The following DTNB variants were observed in gnomAD, a reference collection of about 807,000 sequenced individuals.
DTNB encodes the protein DTN-B.
Under a neutral mutation model 90.7 loss-of-function variants are expected in DTNB, and 63 were observed. The ratio of observed to expected loss-of-function variants is 0.69; its 90% CI spans 0.57 to 0.86. The LOEUF (loss-of-function observed/expected upper bound fraction) is 0.86. Among genes scored for constraint, DTNB ranks in the 40% least tolerant of loss-of-function variants. The pLI is 0.00. For synonymous variants in DTNB, 277 were observed against 286.7 expected (o/e 0.97, Z 0.34); for missense variants, 744 against 807.1 (o/e 0.92, Z 0.95).
At chr2:25,594,781 C>T (rs1375942835) in intron 6 of DTNB, 1 of 152,186 alleles carries the variant, frequency 6.6e-6, no homozygotes, top group African/African-American at 2.4e-5. Flanking sequence ...AAGGATGCTC[C>T]TTTATCCTTA....
At chr2:25,432,012 A>G (rs1306172788) in intron 14 of DTNB, among the ~76,000 whole-genome samples, 1 of 152,232 alleles carries the variant, frequency 6.6e-6, no homozygotes, top group Non-Finnish European at 1.5e-5. Flanking sequence ...ATATAAATCT[A>G]AACAGTAGAA....
In DTNB at chr2:25,652,636, G is replaced by A. The variant is rs756626108; in HGVS notation, c.25C>T (p.Arg9Trp). 18 of 1,611,942 alleles carry A rather than the reference G, an allele frequency of 1.1e-5. No homozygotes were observed. The highest frequency in any genetic ancestry group is 7.7e-5 in the South Asian group (7 of 90,952). Residue 9 changes from arginine to tryptophan, a missense_variant, in exon 2 of 21, where the codon CGG becomes TGG. Coordinates refer to ENST00000406818, the MANE Select transcript of DTNB (RefSeq NM_021907.5). MIEESGNK[R>W]KTMAEKRQLF... ...TGCCTCTTCTCTGCCATGGTCTTCC[G>A]CTTGTTCCCACTTTCCTCAATCATC...
intron 12 of DTNB, among the ~76,000 whole-genome samples, chr2:25,442,313 C>T (rs1394980351): frequency 6.6e-6 from 1 of 152,196 alleles, no homozygotes; most frequent in Non-Finnish European, 1.5e-5. Context: ...TGGCAGGTGA[C>T]TCTGGCTTAT....
intron 8 of DTNB, among the ~76,000 whole-genome samples, chr2:25,537,194 A>G (rs934743462): frequency 2.0e-5 from 3 of 151,934 alleles, no homozygotes; most frequent in Admixed American, 1.3e-4. Context: ...AACCATATAA[A>G]TCTTTTTTTT....
At chr2:25,552,497 C>T (rs1259350045) in intron 8 of DTNB, among the ~76,000 whole-genome samples, 11 of 152,338 alleles carry the variant, frequency 7.2e-5, no homozygotes, top group Non-Finnish European at 5.9e-5. Flanking sequence ...CCCTGGGCCC[C>T]TCACAGCTCC....
intron 7 of DTNB, among the ~76,000 whole-genome samples, chr2:25,579,971 CCTTTCTTTTTTT>C (rs1390758793): frequency 3.0e-5 from 4 of 133,474 alleles, no homozygotes; most frequent in Non-Finnish European, 4.6e-5. Flanking sequence ...ACTATAGTAT[CCTTTCTTTTTTT>C]TTTTTTTTTT....
rs1301598440 is a variant in DTNB at position 25,387,302 on chromosome 2, C to T, written c.1812G>A (p.Lys604=). The T allele has an allele frequency of 1.9e-6, 3 of 1,610,496 alleles. No homozygotes were observed. The highest frequency in any genetic ancestry group is 2.5e-6 in the Non-Finnish European group (3 of 1,178,702). The stretch of plus-strand genomic sequence containing the variant: ...TCTGGGTTTCACCTGAATGGAGCTC[C>T]TTCACCAGGGATGACATGGTGTTGG... ...SITNTMSSLV[K]ELHSAEEGAE... Residue 604 remains lysine (K), a synonymous_variant, in exon 18 of 21, where the codon AAG becomes AAA. Transcript: ENST00000406818. The surrounding 1 kb of genome is among the most constrained non-coding windows in gnomAD (Gnocchi z 4.5).
intron 8 of DTNB, among the ~76,000 whole-genome samples, chr2:25,560,718 G>T (rs1158786304): frequency 6.6e-6 from 1 of 152,162 alleles, no homozygotes; most frequent in Non-Finnish European, 1.5e-5. Flanking sequence ...AAATCTCACA[G>T]ACATGCGCGT....
At chr2:25,658,793 C>T (rs973940974) in intron 1 of DTNB, among the ~76,000 whole-genome samples, 4 of 152,012 alleles carry the variant, frequency 2.6e-5, no homozygotes, top group Admixed American at 6.5e-5. Context: ...AGGTGAAGCA[C>T]GGGGCAATTT....
chr2:25,499,830 C>A (rs2150552177), intron 9 of DTNB, among the ~76,000 whole-genome samples: 1 of 152,288 alleles, frequency 6.6e-6, no homozygotes, highest in African/African-American at 2.4e-5. Context: ...GGTTGCTCAA[C>A]AAATATTAGT....
intron 8 of DTNB, among the ~76,000 whole-genome samples, chr2:25,560,336 T>C (rs1470335768): frequency 1.3e-5 from 2 of 152,254 alleles, no homozygotes; most frequent in African/African-American, 4.8e-5. Flanking sequence ...TGGGTGTTCC[T>C]TTTAGGGTGT....
intron 10 of DTNB, among the ~76,000 whole-genome samples, chr2:25,474,481 C>T (rs1010214236): frequency 6.6e-6 from 1 of 152,144 alleles, no homozygotes; most frequent in East Asian, 1.9e-4. Flanking sequence ...TGGATAGTTT[C>T]TGACTTGATC....
chr2:25,393,161 G>A (rs1218472355), intron 16 of DTNB, among the ~76,000 whole-genome samples: 1 of 152,136 alleles, frequency 6.6e-6, no homozygotes, highest in African/African-American at 2.4e-5. Flanking sequence ...TGCAGAAAAA[G>A]CATTAGACAA....
At chr2:25,379,216 G>T (rs901854316) in intron 20 of DTNB, 74 bp downstream of exon 20, 4 of 1,276,290 alleles carry the variant, frequency 3.1e-6, no homozygotes, top group Admixed American at 4.1e-5. Flanking sequence ...TGTGACTGCA[G>T]GAAGGGAGGG....
intron 12 of DTNB, among the ~76,000 whole-genome samples, chr2:25,437,528 C>A (rs908103641): frequency 4.6e-5 from 7 of 152,124 alleles, no homozygotes; most frequent in African/African-American, 1.7e-4. Context: ...TTCCCGAGTG[C>A]TGGGGTTACA....
At chr2:25,408,405 G>C (rs1573974207) in intron 16 of DTNB, among the ~76,000 whole-genome samples, 2 of 151,578 alleles carry the variant, frequency 1.3e-5, no homozygotes, top group East Asian at 3.9e-4. Context: ...TGGGTGTGGT[G>C]ACGTGCACCT....
At chr2:25,506,175 A>C (rs1474430959) in intron 9 of DTNB, among the ~76,000 whole-genome samples, 1 of 152,178 alleles carries the variant, frequency 6.6e-6, no homozygotes, top group East Asian at 1.9e-4. Flanking sequence ...GAGGTTGGTT[A>C]ATGGGTACAA....
intron 12 of DTNB, among the ~76,000 whole-genome samples, chr2:25,437,365 G>A (rs1316729088): frequency 6.6e-6 from 1 of 151,746 alleles, no homozygotes; most frequent in Non-Finnish European, 1.5e-5. Flanking sequence ...GGGTTCAAGC[G>A]ATTTTCCTGC....
intron 16 of DTNB, among the ~76,000 whole-genome samples, chr2:25,396,227 A>C (rs1434592043): frequency 6.6e-6 from 1 of 152,174 alleles, no homozygotes; most frequent in Non-Finnish European, 1.5e-5. Flanking sequence ...TGAGAATGCA[A>C]AGGTGTAAGA....
Sources: allele counts gnomAD v4.1 joint callset (sites outside exome capture counted in the v4.1 genomes callset), GRCh38; gene constraint gnomAD v4.1.1; non-coding constraint Gnocchi (gnomAD v3.1); transcripts MANE v1.5; gene names NCBI Gene and HGNC (gene_info 2026-07-23, HGNC 2026-07-21).